Variants in DENND5B observed in about 807,000 individuals in gnomAD.
DENND5B encodes DENN domain containing 5B.
DENND5B carries 34 observed loss-of-function variants against 140.6 expected under a neutral mutation model. The observed-to-expected ratio is 0.24, with a 90% CI of 0.18 to 0.32. The LOEUF is 0.32. Ranked by LOEUF, DENND5B falls within the 10% of genes least tolerant of loss-of-function variation. DENND5B has a pLI of 1.00. For synonymous variants in DENND5B, 551 were observed against 562.1 expected, an observed-to-expected ratio of 0.98 and a Z score of 0.28; for missense variants, 1,142 against 1,560.2, an observed-to-expected ratio of 0.73 and a Z score of 4.52.
At chr12:31,564,179 T>C (rs1390512246) in intron 1 of DENND5B, among the ~76,000 whole-genome samples, 1 of 152,152 alleles carries the variant, frequency 6.6e-6, no homozygotes. Flanking sequence ...AATTCAGAGA[T>C]AAAATATTAT....
intron 3 of DENND5B, among the ~76,000 whole-genome samples, chr12:31,462,258 G>A (rs1164432488): frequency 6.7e-6 from 1 of 149,670 alleles, no homozygotes; most frequent in South Asian, 2.1e-4. Context: ...GAGGCGGGTA[G>A]TAGAGGAGAT....
intron 1 of DENND5B, among the ~76,000 whole-genome samples, chr12:31,528,207 C>T (rs1948154054): frequency 6.6e-6 from 1 of 152,218 alleles, no homozygotes; most frequent in African/African-American, 2.4e-5. Flanking sequence ...GAACTCCCTC[C>T]AGACGGTCTA....
At position 31,409,428 on chromosome 12, in the gene DENND5B, A is replaced by G. The variant is rs1158522886; in HGVS notation, c.2682-44T>C. 17 of 1,364,226 alleles carry G rather than the reference A, an allele frequency of 1.2e-5. No individual in the cohort carries two copies. In the African/African-American group the frequency reaches 2.3e-4, roughly 18 times the overall value. 84.5% of individuals were successfully genotyped at this position (1,364,226 alleles called of 1,614,324 possible). The stretch of plus-strand genomic sequence containing the variant: ...AGCACAAGACAGTAGTATCAAAGAA[A>G]AAAAAAAAAAACCAAGACAGTAGTA... On this transcript the variant is annotated intron_variant, in intron 13 of 20. Coordinates refer to ENST00000389082, the MANE Select transcript of DENND5B (RefSeq NM_144973.4).
chr12:31,495,715 G>T, intron 2 of DENND5B, 95 bp downstream of exon 2: 7 of 961,292 alleles, frequency 7.3e-6, no homozygotes, highest in South Asian at 1.9e-5. Context: ...TAAATGAAAT[G>T]AAATAAGGTA....
At chr12:31,514,993 C>CT (rs1947572445) in intron 1 of DENND5B, among the ~76,000 whole-genome samples, 1 of 152,064 alleles carries the variant, frequency 6.6e-6, no homozygotes, top group Admixed American at 6.6e-5. Flanking sequence ...CATGGTGGTG[C>CT]ACACCTGCAG....
chr12:31,415,320 C>A, intron 12 of DENND5B, 47 bp downstream of exon 12: 1 of 1,468,682 alleles, frequency 6.8e-7, no homozygotes, highest in Non-Finnish European at 9.2e-7. Flanking sequence ...CCACAAAATA[C>A]TTCAAAGTTA....
chr12:31,588,415 C>CCGGA (rs1293298822), intron 1 of DENND5B, among the ~76,000 whole-genome samples: 1 of 152,204 alleles, frequency 6.6e-6, no homozygotes, highest in Non-Finnish European at 1.5e-5. Flanking sequence ...TTCACGTGGA[C>CCGGA]TCCGCATCCA....
chr12:31,479,760 G>T lies in DENND5B; in HGVS notation c.733C>A (p.Leu245Met). 1 of 1,606,044 alleles carries T rather than the reference G, an allele frequency of 6.2e-7. No individual in the cohort carries two copies. Among genetic ancestry groups the T allele is most frequent in the Non-Finnish European group, 8.5e-7 (1 of 1,176,198 alleles). The change falls in exon 3 of 21, where the codon CTG becomes ATG. Residue 245 changes from leucine (L) to methionine (M), a missense_variant. By Grantham distance (15) the Leu-to-Met change is conservative (BLOSUM62 2). Around this residue, in one of 5 missense-constraint regions of DENND5B, gnomAD observed 708 missense variants for 905.5 expected, o/e 0.78. Transcript: ENST00000389082. ...EVPLPPPGRS[L>M]KFYGVYEPVI... ...GGTTCATAAACACCATAAAATTTCA[G>T]TGACCTCCCTGGAGGTGGAAGGGGT...
chr12:31,541,178 C>G, intron 1 of DENND5B: 1 of 264,988 alleles, frequency 3.8e-6, no homozygotes, highest in South Asian at 3.5e-5. Flanking sequence ...ACCCCACAAG[C>G]ACAGGCAACC....
chr12:31,400,646 T>C (rs528209101), intron 15 of DENND5B, among the ~76,000 whole-genome samples: 66 of 152,322 alleles, frequency 4.3e-4, no homozygotes, highest in Non-Finnish European at 6.5e-4. Context: ...AGGCATGCAA[T>C]GCCTAATAAC....
At chr12:31,444,793 T>C (rs991737578) in intron 6 of DENND5B, among the ~76,000 whole-genome samples, 1 of 152,192 alleles carries the variant, frequency 6.6e-6, no homozygotes, top group African/African-American at 2.4e-5. Context: ...TGAACAAGGA[T>C]AGACAATTTC....
intron 1 of DENND5B, among the ~76,000 whole-genome samples, chr12:31,561,059 G>A (rs1278588812): frequency 6.6e-6 from 1 of 152,112 alleles, no homozygotes; most frequent in African/African-American, 2.4e-5. Flanking sequence ...TGGAACCTTT[G>A]TCAAGATCCC....
At chr12:31,470,819 T>C (rs571748253) in intron 3 of DENND5B, among the ~76,000 whole-genome samples, 1 of 152,262 alleles carries the variant, frequency 6.6e-6, no homozygotes, top group African/African-American at 2.4e-5. Context: ...CAGCCCAGGC[T>C]CATGGAAACC....
In DENND5B at chr12:31,523,305, C is replaced by T. The variant is rs142353428; in HGVS notation, c.128-27386G>A. ...CTCAAACTCCTGGCCTCAAGTGATC[C>T]GCCTGCCTTGGCCTTCCAAAGTGTT... On this transcript the variant is annotated intron_variant, in intron 1 of 20. Coordinates refer to ENST00000389082, the MANE Select transcript of DENND5B (RefSeq NM_144973.4). Among the ~76,000 whole-genome samples, 1,519 of 152,138 alleles carry T rather than the reference C, an allele frequency of 1.0e-2. 27 individuals are homozygous for T. The highest frequency in any genetic ancestry group is 0.035 in the African/African-American group (1,432 of 41,506).
intron 17 of DENND5B, among the ~76,000 whole-genome samples, chr12:31,397,792 T>C (rs985780211): frequency 7.0e-6 from 1 of 143,212 alleles, no homozygotes; most frequent in Non-Finnish European, 1.5e-5. Flanking sequence ...GGTGTGATGT[T>C]GTGTGCCTGT....
chr12:31,512,833 C>T (rs1219459125), intron 1 of DENND5B, among the ~76,000 whole-genome samples: 1 of 151,992 alleles, frequency 6.6e-6, no homozygotes, highest in African/African-American at 2.4e-5. Context: ...AAAGTTTCCA[C>T]ATACCCTAAA....
chr12:31,574,295 A>AATAATCATAATT (rs374578025), intron 1 of DENND5B, among the ~76,000 whole-genome samples: 1 of 144,576 alleles, frequency 6.9e-6, no homozygotes, highest in Non-Finnish European at 1.5e-5. Context: ...TAATAATAAT[A>AATAATCATAATT]ATTTAAAAGG....
chr12:31,422,588 C>T (rs61930276), intron 11 of DENND5B, among the ~76,000 whole-genome samples: 7,902 of 152,178 alleles, frequency 0.052, 292 homozygotes, highest in Non-Finnish European at 0.081. Flanking sequence ...GTGACAAGAT[C>T]GAGACTCCAT....
rs911602575 is a variant in DENND5B, at chr12:31,460,517, T to C, written c.905-136A>G. On this transcript the variant is annotated intron_variant, in intron 3 of 20. Coordinates refer to ENST00000389082, the MANE Select transcript of DENND5B (RefSeq NM_144973.4). Reference sequence around the variant, plus strand: ...TATTTCTTTATGATCATACAGAAAATAGGTCAGTTCTATTCCACTATAATT... The same window carrying C: ...TATTTCTTTATGATCATACAGAAAACAGGTCAGTTCTATTCCACTATAATT... The C allele has an allele frequency of 6.3e-5, 49 of 776,802 alleles. No homozygotes were observed. In the Admixed American group the frequency reaches 1.4e-3, roughly 22 times the overall value. 48.1% of individuals were successfully genotyped at this position (776,802 alleles called of 1,614,324 possible).
Sources: allele counts gnomAD v4.1 joint callset (sites outside exome capture counted in the v4.1 genomes callset), GRCh38; gene constraint gnomAD v4.1.1; regional missense constraint gnomAD v4.1.1; transcripts MANE v1.5; gene names NCBI Gene and HGNC (gene_info 2026-07-23, HGNC 2026-07-21).